The following SOX5 variants were observed in gnomAD, a reference collection of about 807,000 sequenced individuals.
SOX5 encodes the protein SRY-box transcription factor 5, also known as transcription factor SOX-5.
Under a neutral mutation model 92.0 loss-of-function variants are expected in SOX5, and 9 were observed. The ratio of observed to expected loss-of-function variants is 0.10; its 90% CI spans 0.06 to 0.17. The LOEUF is 0.17. SOX5 is among the 10% of genes least tolerant of loss of function. The probability of loss-of-function intolerance (pLI) is 1.00; values close to 1 mark genes in which losing one functional copy is unlikely to be tolerated. For synonymous variants in SOX5, 344 were observed against 336.3 expected, an observed-to-expected ratio of 1.02 and a Z score of -0.25; for missense variants, 642 against 944.5, an observed-to-expected ratio of 0.68 and a Z score of 4.20.
chr12:23,951,922 T>C (rs1945705463), upstream of SOX5, among the ~76,000 whole-genome samples: 1 of 152,132 alleles, frequency 6.6e-6, no homozygotes, highest in South Asian at 2.1e-4. Context: ...AATGAAAAAA[T>C]TGTTGCATTT....
rs185416645 is a variant in SOX5, at chr12:23,668,804, G to A, written c.811-3240C>T. On this transcript the variant is annotated intron_variant, in intron 6 of 14. Transcript: ENST00000451604. Reference sequence around the variant, plus strand: ...ATTTTAAAAACTTTTAAGAAGCCCCGTCTTAATGCTTTTTATGTGTCTACC... The same window carrying A: ...ATTTTAAAAACTTTTAAGAAGCCCCATCTTAATGCTTTTTATGTGTCTACC... Among the ~76,000 whole-genome samples the A allele has an allele frequency of 2.9e-3, 435 of 152,152 alleles. 1 individual carries two copies. Among genetic ancestry groups the A allele is most frequent in the African/African-American group, 9.5e-3 (393 of 41,518 alleles).
chr12:23,975,265 T>A (rs1300107322), intron 4 of SOX5, among the ~76,000 whole-genome samples: 1 of 152,140 alleles, frequency 6.6e-6, no homozygotes, highest in Non-Finnish European at 1.5e-5. Context: ...CCTTTCTTAC[T>A]GATCCTCGAT....
chr12:23,969,004 C>T (rs1197530893), intron 4 of SOX5, among the ~76,000 whole-genome samples: 3 of 152,152 alleles, frequency 2.0e-5, no homozygotes, highest in Non-Finnish European at 4.4e-5. Context: ...ATATCAAACT[C>T]AACACGTCCC....
chr12:24,275,038 G>C (rs577725819), intron 3 of SOX5, among the ~76,000 whole-genome samples: 1 of 63,504 alleles, frequency 1.6e-5, no homozygotes, highest in Non-Finnish European at 3.2e-5. Flanking sequence ...ATTTCAACCC[G>C]ACTTTGGGAA....
intron 3 of SOX5, among the ~76,000 whole-genome samples, chr12:23,794,956 A>C (rs2095537235): frequency 6.6e-6 from 1 of 152,176 alleles, no homozygotes; most frequent in African/African-American, 2.4e-5. Context: ...CTAATATATT[A>C]AAAATTTAAT....
chr12:23,749,599 G>A (rs895026861), intron 4 of SOX5, among the ~76,000 whole-genome samples: 2 of 151,738 alleles, frequency 1.3e-5, no homozygotes, highest in African/African-American at 2.4e-5. Context: ...AGAGATGTAC[G>A]CATTATAATT....
intron 1 of SOX5, among the ~76,000 whole-genome samples, chr12:24,390,802 G>A (rs1958919002): frequency 6.6e-6 from 1 of 152,046 alleles, no homozygotes; most frequent in African/African-American, 2.4e-5. Flanking sequence ...ATATGTGTGT[G>A]TATATAAACC....
intron 6 of SOX5, among the ~76,000 whole-genome samples, chr12:23,674,336 A>ATTTGTTTTTTTT (rs2085292095): frequency 1.0e-5 from 1 of 97,384 alleles, no homozygotes; most frequent in Non-Finnish European, 1.9e-5. Flanking sequence ...ATAAAAAGGA[A>ATTTGTTTTTTTT]TTTTTTTTTT....
intron 3 of SOX5, among the ~76,000 whole-genome samples, chr12:23,779,627 G>C (rs2095218349): frequency 6.6e-6 from 1 of 150,952 alleles, no homozygotes. Context: ...TTCATGGTTT[G>C]ACCTAAAGTG....
At chr12:24,341,634 C>G (rs1223815390) in intron 2 of SOX5, among the ~76,000 whole-genome samples, 2 of 152,202 alleles carry the variant, frequency 1.3e-5, no homozygotes, top group Non-Finnish European at 2.9e-5. Flanking sequence ...GAAGTCAAAT[C>G]CTGCAAATAA....
At chr12:23,949,746 CT>C, upstream of SOX5, 4 of 974,534 alleles carry the variant, frequency 4.1e-6, no homozygotes, top group Non-Finnish European at 3.0e-6. Flanking sequence ...CTCTCTCTCT[CT>C]CTCTCCCTCT....
At chr12:23,551,760 C>T (rs1944263748) in intron 11 of SOX5, among the ~76,000 whole-genome samples, 1 of 151,552 alleles carries the variant, frequency 6.6e-6, no homozygotes, top group Non-Finnish European at 1.5e-5. Flanking sequence ...TAGGTATCCA[C>T]AAAATCTGCC....
chr12:23,537,521 C>A (rs950501029), intron 13 of SOX5, among the ~76,000 whole-genome samples: 1 of 152,110 alleles, frequency 6.6e-6, no homozygotes. Context: ...ACTGTAAATG[C>A]GTATTACGAT....
At chr12:24,061,869 A>G (rs1458790003) in intron 4 of SOX5, among the ~76,000 whole-genome samples, 1 of 152,194 alleles carries the variant, frequency 6.6e-6, no homozygotes, top group Non-Finnish European at 1.5e-5. Context: ...TAGGAACATT[A>G]AAACACTGCT....
intron 4 of SOX5, among the ~76,000 whole-genome samples, chr12:24,145,279 A>G (rs1169640151): frequency 1.3e-5 from 2 of 152,212 alleles, no homozygotes; most frequent in Admixed American, 1.3e-4. Context: ...AGTAATAAGC[A>G]AAAAACAAAT....
At chr12:23,654,031 C>T (rs1449761207) in intron 7 of SOX5, among the ~76,000 whole-genome samples, 3 of 151,930 alleles carry the variant, frequency 2.0e-5, no homozygotes, top group Non-Finnish European at 4.4e-5. Flanking sequence ...ATATCAAAAG[C>T]CTAAGGTTTA....
At chr12:24,082,176 G>A (rs7303970) in intron 4 of SOX5, among the ~76,000 whole-genome samples, 31,348 of 151,518 alleles carry the variant, frequency 0.21, 3,739 homozygotes, top group Middle Eastern at 0.36. Context: ...ATGACGGAGC[G>A]TACAACTCAG....
intron 6 of SOX5, among the ~76,000 whole-genome samples, chr12:23,690,145 C>T (rs2088489694): frequency 6.6e-6 from 1 of 152,140 alleles, no homozygotes; most frequent in South Asian, 2.1e-4. Flanking sequence ...TCCCTGAGTC[C>T]TTATTCATGC....
chr12:23,625,753 G>A (rs1015605830), intron 8 of SOX5, among the ~76,000 whole-genome samples: 1 of 152,150 alleles, frequency 6.6e-6, no homozygotes, highest in Non-Finnish European at 1.5e-5. Flanking sequence ...GGGATTACAG[G>A]CGCCTGCCAC....
Sources: allele counts gnomAD v4.1 joint callset (sites outside exome capture counted in the v4.1 genomes callset), GRCh38; gene constraint gnomAD v4.1.1; transcripts MANE v1.5; gene names NCBI Gene and HGNC (gene_info 2026-07-23, HGNC 2026-07-21).